LCP1: variants seen among roughly 807,000 people sequenced by gnomAD.
The protein encoded by LCP1 is lymphocyte cytosolic protein 1.
In LCP1, 23 loss-of-function variants were observed where a neutral mutation model predicts 72.0. The ratio of observed to expected loss-of-function variants is 0.32; its 90% CI spans 0.23 to 0.45. The LOEUF (loss-of-function observed/expected upper bound fraction) is 0.45, where lower values mean the gene tolerates loss of function less well. LCP1 is among the 20% of genes least tolerant of loss of function. The pLI is 1.00. For missense variants in LCP1, 571 were observed against 748.3 expected (o/e 0.76, Z 2.76); for synonymous variants, 245 against 275.4 (o/e 0.89, Z 1.09).
At chr13:46,179,983 T>A (rs1566449032) in intron 1 of LCP1, among the ~76,000 whole-genome samples, 1 of 151,630 alleles carries the variant, frequency 6.6e-6, no homozygotes, top group African/African-American at 2.4e-5. Flanking sequence ...TCTCTCTCTC[T>A]CTCTTCTTTC....
intron 14 of LCP1, among the ~76,000 whole-genome samples, chr13:46,133,117 A>T (rs914997662): frequency 2.6e-5 from 4 of 152,202 alleles, no homozygotes; most frequent in Admixed American, 1.3e-4. Flanking sequence ...TTTAGATAGA[A>T]GTACACAACT....
chr13:46,138,142 A>G (rs2045675803), intron 13 of LCP1, among the ~76,000 whole-genome samples: 1 of 152,208 alleles, frequency 6.6e-6, no homozygotes, highest in African/African-American at 2.4e-5. Flanking sequence ...CTGTTTGCCA[A>G]CTGTCCACCC....
At chr13:46,142,232 T>A (rs1448496858) in intron 13 of LCP1, 60 bp downstream of exon 13, 1 of 1,553,378 alleles carries the variant, frequency 6.4e-7, no homozygotes. Context: ...AAAAATTTGC[T>A]AATATTTGTC....
At chr13:46,131,064 C>T (rs2045631260) in intron 14 of LCP1, 126 bp from the exon 15 acceptor site, 1 of 921,516 alleles carries the variant, frequency 1.1e-6, no homozygotes, top group South Asian at 2.3e-5. Flanking sequence ...GGAAATGCAG[C>T]AGTATTCCAC....
rs1204941417 is a variant in LCP1, at chr13:46,177,867, T to C, written c.-25+4244A>G. 3.9e-5 allele frequency among the ~76,000 whole-genome samples: 6 copies of C among 152,186 alleles called. No individual in the cohort carries two copies. In the East Asian group the frequency reaches 1.2e-3, roughly 29 times the overall value. ...CTGATGCTGTTGCTGCTGCTGCTGC[T>C]GCTGATGGTGATGATAATGATGATG... On this transcript the variant is annotated intron_variant, in intron 1 of 15. Coordinates refer to ENST00000323076, the MANE Select transcript of LCP1 (RefSeq NM_002298.5).
chr13:46,143,420 A>T lies in LCP1; in HGVS notation c.1254-16T>A, dbSNP rs1387790844. 6.5e-7 allele frequency: 1 copy of T among 1,549,686 alleles called. No homozygotes were observed. Among genetic ancestry groups the T allele is most frequent in the East Asian group, 2.2e-5 (1 of 44,538 alleles). On this transcript the variant is annotated splice_polypyrimidine_tract_variant and intron_variant, in intron 11 of 15. Transcript: ENST00000323076. ...TGATAAGTCACTGAACAAAACAAAC[A>T]CAAAAGGATTCTCAGATATCCAACA... is the stretch of plus-strand genomic sequence containing the variant.
intron 5 of LCP1, among the ~76,000 whole-genome samples, 180 bp from the exon 6 acceptor site, chr13:46,155,066 T>C (rs2045792437): frequency 6.6e-6 from 1 of 152,218 alleles, no homozygotes; most frequent in Non-Finnish European, 1.5e-5. Flanking sequence ...GAAAGGTGAA[T>C]ACTACTGAAG....
chr13:46,172,311 C>T (rs968557786), intron 1 of LCP1, among the ~76,000 whole-genome samples: 1 of 151,914 alleles, frequency 6.6e-6, no homozygotes, highest in Non-Finnish European at 1.5e-5. Flanking sequence ...TGGTGAAAAC[C>T]CATCTCTACT....
intron 13 of LCP1, among the ~76,000 whole-genome samples, chr13:46,140,210 A>G (rs555577469): frequency 3.3e-5 from 5 of 152,330 alleles, no homozygotes; most frequent in Non-Finnish European, 5.9e-5. Flanking sequence ...TCAGAAAGAA[A>G]GCTTCAGCGG....
rs1026442382 is a variant in LCP1, at chr13:46,146,770, C to G, written c.1174+138G>C. On this transcript the variant is annotated intron_variant, in intron 10 of 15. Transcript: ENST00000323076. The stretch of plus-strand genomic sequence containing the variant: ...TTGACTTGATGAATCTATTTATTCT[C>G]TTTGTTGCATACCAGAGAATTAATG... 1.0e-4 allele frequency: 87 copies of G among 836,126 alleles called. 1 individual carries two copies. In the Middle Eastern group the frequency reaches 1.2e-3, roughly 11 times the overall value. 51.8% of individuals were successfully genotyped at this position (836,126 alleles called of 1,614,324 possible).
At chr13:46,145,998 A>T (rs895027436) in intron 10 of LCP1, among the ~76,000 whole-genome samples, 1 of 127,038 alleles carries the variant, frequency 7.9e-6, no homozygotes, top group African/African-American at 2.9e-5. Flanking sequence ...TGGGGGTGGG[A>T]GGGAAAATAA....
At chr13:46,148,331 A>G (rs775282406) in intron 9 of LCP1, 21 bp downstream of exon 9, 1 of 1,550,184 alleles carries the variant, frequency 6.5e-7, no homozygotes, top group Admixed American at 1.7e-5. Flanking sequence ...TTCTCCAAAC[A>G]CAACTGGGAC....
At chr13:46,141,132 G>T (rs1023605930) in intron 13 of LCP1, among the ~76,000 whole-genome samples, 2 of 152,112 alleles carry the variant, frequency 1.3e-5, no homozygotes, top group Non-Finnish European at 2.9e-5. Context: ...ATGGAGCTGG[G>T]CATGGTGGCT....
In LCP1 at chr13:46,127,364, A is replaced by G; in HGVS notation, c.*227T>C. The G allele has an allele frequency of 2.5e-6, 1 of 407,326 alleles. No individual in the cohort carries two copies. The allele number at this position is 407,326 out of a possible 1,614,324, so 25.2% of individuals were successfully genotyped here. On this transcript the variant is annotated 3_prime_UTR_variant, in exon 16 of 16. Transcript: ENST00000323076. ...TTCCTCTAGATTTTCGAAGAAGCAA[A>G]TAAATCAAGAATAGAAACCTATATA...
At chr13:46,155,472 T>C (rs1028648437) in intron 5 of LCP1, among the ~76,000 whole-genome samples, 5 of 152,150 alleles carry the variant, frequency 3.3e-5, no homozygotes, top group African/African-American at 9.7e-5. Flanking sequence ...AGAATTTTGA[T>C]TTTTTTATAG....
intron 10 of LCP1, among the ~76,000 whole-genome samples, chr13:46,145,196 C>T (rs1214606887): frequency 7.9e-5 from 12 of 152,150 alleles, no homozygotes; most frequent in Non-Finnish European, 1.8e-4. Context: ...TGACAGACAA[C>T]GGCAGTCATT....
At chr13:46,145,413 A>G (rs1353884394) in intron 10 of LCP1, among the ~76,000 whole-genome samples, 3 of 152,232 alleles carry the variant, frequency 2.0e-5, no homozygotes, top group Admixed American at 1.3e-4. Flanking sequence ...ATCCATTAAA[A>G]TAATTAGTGT....
chr13:46,157,193 A>G (rs1191928801), intron 4 of LCP1, among the ~76,000 whole-genome samples: 3 of 151,294 alleles, frequency 2.0e-5, no homozygotes, highest in Non-Finnish European at 2.9e-5. Flanking sequence ...ATATATACAT[A>G]TGTTTATTTT....
In LCP1 at chr13:46,159,447, T is replaced by C. The variant is rs1387726992; in HGVS notation, c.64+152A>G. 12 of 618,548 alleles carry C rather than the reference T, an allele frequency of 1.9e-5. No homozygotes were observed. In the East Asian group the frequency reaches 3.0e-4, roughly 15 times the overall value. 38.3% of individuals were successfully genotyped at this position (618,548 alleles called of 1,614,324 possible). On this transcript the variant is annotated intron_variant, in intron 2 of 15. Transcript: ENST00000323076. ...AAGTCATTTTATTGAAGCATATTTT[T>C]CAAAAATAAGTTCTCCCAGCTCCTC...
Sources: allele counts gnomAD v4.1 joint callset (sites outside exome capture counted in the v4.1 genomes callset), GRCh38; gene constraint gnomAD v4.1.1; transcripts MANE v1.5; gene names NCBI Gene and HGNC (gene_info 2026-07-23, HGNC 2026-07-21).